Variants in PCDHGA9 observed in about 807,000 individuals in gnomAD.
PCDHGA9 encodes the protein protocadherin gamma subfamily A, 9.
PCDHGA9 carries 37 observed loss-of-function variants against 62.5 expected under a neutral mutation model. The observed-to-expected ratio is 0.59, with a 90% confidence interval of 0.46 to 0.78. The LOEUF is 0.78. Ranked by LOEUF, PCDHGA9 falls within the 30% of genes least tolerant of loss-of-function variation. PCDHGA9 has a pLI of 0.00. For synonymous variants in PCDHGA9, 459 were observed against 484.6 expected (o/e 0.95, Z 0.69); for missense variants, 1,138 against 1,166.2 (o/e 0.98, Z 0.35).
Position 141,490,931 on chromosome 5 carries a change from T to C in PCDHGA9, c.2425-3876T>C. 1 of 1,613,780 alleles carries C rather than the reference T, an allele frequency of 6.2e-7. No individual in the cohort carries two copies. Among genetic ancestry groups the C allele is most frequent in the East Asian group, 2.2e-5 (1 of 44,872 alleles). ...GACGAGAATGATAATGCCCCAGCTG[T>C]GCTGCACCCACGGCCAGACTGGGAA... On this transcript the variant is annotated intron_variant, in intron 1 of 3. Transcript: ENST00000573521. This position sits in a 1 kb window ranked among gnomAD's most constrained non-coding sequence, Gnocchi z 5.4.
At chr5:141,498,321 G>A (rs1477684617) in intron 2 of PCDHGA9, among the ~76,000 whole-genome samples, 2 of 151,722 alleles carry the variant, frequency 1.3e-5, no homozygotes, top group Non-Finnish European at 2.9e-5. Flanking sequence ...CTACACAGAA[G>A]GAAGAGCATT....
At chr5:141,437,832 G>A (rs929534984) in intron 1 of PCDHGA9, among the ~76,000 whole-genome samples, 2 of 151,794 alleles carry the variant, frequency 1.3e-5, no homozygotes, top group Admixed American at 1.3e-4. Context: ...CTGCCTCCTG[G>A]GTTCATGCTA....
rs763495028 is a variant in PCDHGA9 at position 141,405,377 on chromosome 5, G to T, written c.2424+1G>T. 29 of 1,603,350 alleles carry T rather than the reference G, an allele frequency of 1.8e-5. No individual in the cohort carries two copies. The highest frequency in any genetic ancestry group is 3.5e-5 in the Admixed American group (2 of 56,962). ...TATAGAAGACACCCCTTTGGTTCCG[G>T]TGAGTTCATTTTTTTTCTTTCTTTC... On this transcript the variant is annotated splice_donor_variant, in intron 1 of 3. Transcript: ENST00000573521. LOFTEE classifies it high-confidence loss of function.
intron 1 of PCDHGA9, among the ~76,000 whole-genome samples, chr5:141,481,761 G>A (rs984825493): frequency 2.6e-5 from 4 of 152,234 alleles, no homozygotes; most frequent in Non-Finnish European, 2.9e-5. Context: ...AGACCAGCCT[G>A]GCCAACATGG....
intron 1 of PCDHGA9, among the ~76,000 whole-genome samples, chr5:141,466,449 T>C (rs2154569205): frequency 6.6e-6 from 1 of 152,358 alleles, no homozygotes; most frequent in Admixed American, 6.5e-5. Flanking sequence ...ATGTCTATGG[T>C]GTTGGCTATT....
In PCDHGA9 at chr5:141,489,261, A is replaced by C; in HGVS notation, c.2425-5546A>C. 6.4e-7 allele frequency: 1 copy of C among 1,551,956 alleles called. No individual in the cohort carries two copies. Among genetic ancestry groups the C allele is most frequent in the East Asian group, 2.2e-5 (1 of 44,450 alleles). Reference sequence around the variant, plus strand: ...GGGTCATGGGGCCCAAGACACTCCCACAGCTCGCTGGGAAATGGCAAGTGC... The same window carrying C: ...GGGTCATGGGGCCCAAGACACTCCCCCAGCTCGCTGGGAAATGGCAAGTGC... On this transcript the variant is annotated intron_variant, in intron 1 of 3. Coordinates refer to ENST00000573521, the MANE Select transcript of PCDHGA9 (RefSeq NM_018921.3). The surrounding 1 kb of genome is among the most constrained non-coding windows in gnomAD (Gnocchi z 4.5).
At chr5:141,510,917 C>G in intron 3 of PCDHGA9, 30 bp from the exon 4 acceptor site, 1 of 1,613,854 alleles carries the variant, frequency 6.2e-7, no homozygotes, top group Non-Finnish European at 8.5e-7. Flanking sequence ...CTAAGTTTAG[C>G]TCCCACCTGA....
rs1360494290 is a variant in PCDHGA9 at position 141,433,285 on chromosome 5, C to T, written c.2424+27909C>T. On this transcript the variant is annotated intron_variant, in intron 1 of 3. Coordinates refer to ENST00000573521, the MANE Select transcript of PCDHGA9 (RefSeq NM_018921.3). ...CATAGCTCACTGCAGCCTCAAACTCCTAGGCTCAAGCAATTATCCCACCTT... is the reference window on the plus strand; with the variant it reads ...CATAGCTCACTGCAGCCTCAAACTCTTAGGCTCAAGCAATTATCCCACCTT... The T allele has an allele frequency of 6.8e-6, 8 of 1,169,708 alleles. No individual in the cohort carries two copies. In the East Asian group the frequency reaches 1.7e-4, roughly 25 times the overall value. The allele number at this position is 1,169,708 out of a possible 1,614,324, so 72.5% of individuals were successfully genotyped here. A position where few individuals can be genotyped will look rare whatever the true frequency, so the allele number is the denominator to read the frequency against.
At chr5:141,426,919 C>A (rs1220443930) in intron 1 of PCDHGA9, 3 of 456,620 alleles carry the variant, frequency 6.6e-6, no homozygotes, top group African/African-American at 6.0e-5. Context: ...GTCCTGGAAG[C>A]AATGGACATG....
Position 141,477,312 on chromosome 5 carries a change from TTACTTC to T in PCDHGA9, c.2425-17493_2425-17488del, listed in dbSNP as rs773034406. Reference sequence around the variant, plus strand: ...GTTCCACCGGGTCTCCCTTTCAGCCTTACTTCTTCCCTCAAGAATTACTTCACTTTG... The same window carrying T: ...GTTCCACCGGGTCTCCCTTTCAGCCTTTCCCTCAAGAATTACTTCACTTTG... On this transcript the variant is annotated intron_variant, in intron 1 of 3. Coordinates refer to ENST00000573521, the MANE Select transcript of PCDHGA9 (RefSeq NM_018921.3). The surrounding 1 kb of genome is among the most constrained non-coding windows in gnomAD (Gnocchi z 4.9). The T allele has an allele frequency of 2.5e-6, 4 of 1,614,162 alleles. No homozygotes were observed. Among genetic ancestry groups the T allele is most frequent in the Non-Finnish European group, 3.4e-6 (4 of 1,180,032 alleles).
At chr5:141,465,768 C>T (rs1414064889) in intron 1 of PCDHGA9, among the ~76,000 whole-genome samples, 1 of 151,916 alleles carries the variant, frequency 6.6e-6, no homozygotes, top group Non-Finnish European at 1.5e-5. Flanking sequence ...CATGTTTCAT[C>T]TCTTGTTACA....
Position 141,485,448 on chromosome 5 carries a change from G to A in PCDHGA9, c.2425-9359G>A. On this transcript the variant is annotated intron_variant, in intron 1 of 3. Coordinates refer to ENST00000573521, the MANE Select transcript of PCDHGA9 (RefSeq NM_018921.3). This position sits in a 1 kb window ranked among gnomAD's most constrained non-coding sequence, Gnocchi z 5.7. ...CTGCTCATCAAGAACCCAATCGACC[G>A]AGAGGCACTGTGTGGGCTCAGTGCC... is the stretch of plus-strand genomic sequence containing the variant. 1 of 1,614,154 alleles carries A rather than the reference G, an allele frequency of 6.2e-7. No homozygotes were observed.
At chr5:141,473,907 C>A (rs552055360) in intron 1 of PCDHGA9, among the ~76,000 whole-genome samples, 1 of 152,102 alleles carries the variant, frequency 6.6e-6, no homozygotes. Flanking sequence ...ATGAAGAGGT[C>A]TTAAGAAAAC....
intron 1 of PCDHGA9, chr5:141,414,573 A>G: frequency 6.2e-7 from 1 of 1,613,920 alleles, no homozygotes; most frequent in African/African-American, 1.3e-5. Context: ...CCTATATCCC[A>G]GAGAACAACG....
At chr5:141,467,920 A>G (rs1244280087) in intron 1 of PCDHGA9, among the ~76,000 whole-genome samples, 1 of 152,124 alleles carries the variant, frequency 6.6e-6, no homozygotes, top group Non-Finnish European at 1.5e-5. Flanking sequence ...CAGCCTCCCA[A>G]AATGCTAGGA....
At chr5:141,450,817 A>T (rs1302552522) in intron 1 of PCDHGA9, among the ~76,000 whole-genome samples, 1 of 137,468 alleles carries the variant, frequency 7.3e-6, no homozygotes, top group Non-Finnish European at 1.5e-5. Context: ...TTTATTTAAT[A>T]TTATTATTAT....
rs749221752 is a variant in PCDHGA9 at position 141,432,670 on chromosome 5, G to T, written c.2424+27294G>T. ...CGCGAGCCCTGCTGGACAGAGACGCGCTCAAGCAGAGCCTCGTAGTGGCCG... is the reference window on the plus strand; with the variant it reads ...CGCGAGCCCTGCTGGACAGAGACGCTCTCAAGCAGAGCCTCGTAGTGGCCG... On this transcript the variant is annotated intron_variant, in intron 1 of 3. Coordinates refer to ENST00000573521, the MANE Select transcript of PCDHGA9 (RefSeq NM_018921.3). This position sits in a 1 kb window ranked among gnomAD's most constrained non-coding sequence, Gnocchi z 6.0. 7 of 1,613,750 alleles carry T rather than the reference G, an allele frequency of 4.3e-6. No homozygotes were observed. The African/African-American group carries it at 5.3e-5, about 12-fold the overall frequency.
chr5:141,431,265 G>A lies in PCDHGA9; in HGVS notation c.2424+25889G>A. 2 of 1,614,168 alleles carry A rather than the reference G, an allele frequency of 1.2e-6. No homozygotes were observed. On this transcript the variant is annotated intron_variant, in intron 1 of 3. Transcript: ENST00000573521. This position sits in a 1 kb window ranked among gnomAD's most constrained non-coding sequence, Gnocchi z 4.8. ...GATATCGGGAAGAACTCTCTGCAGA[G>A]CTACGAGCTCAGCCCGAACACTCAC...
intron 1 of PCDHGA9, chr5:141,426,340 C>A: frequency 5.3e-6 from 1 of 190,288 alleles, no homozygotes; most frequent in Non-Finnish European, 1.1e-5. Flanking sequence ...AGCACTCTTC[C>A]CTTTCCTGCT....
Sources: gnomAD v4.1 joint callset for allele counts (sites outside exome capture counted in the v4.1 genomes callset) on GRCh38, gnomAD v4.1.1 for gene constraint, Gnocchi (gnomAD v3.1) non-coding constraint, MANE v1.5 for transcripts, NCBI Gene and HGNC (gene_info 2026-07-23, HGNC 2026-07-21) for gene names.